The following ADK variants were observed in gnomAD, a reference collection of about 807,000 sequenced individuals.
ADK encodes the protein N6,N6-dimethyladenosine kinase.
Under a neutral mutation model 44.7 loss-of-function variants are expected in ADK, and 24 were observed. The observed-to-expected ratio is 0.54, with a 90% confidence interval of 0.39 to 0.76. ADK has a LOEUF of 0.76. Ranked by LOEUF, ADK falls within the 30% of genes least tolerant of loss-of-function variation. ADK has a pLI of 0.00. For missense variants in ADK, 321 were observed against 425.1 expected (o/e 0.76, Z 2.15); for synonymous variants, 128 against 142.6 (o/e 0.90, Z 0.73).
At chr10:74,607,955 G>A (rs1285675013) in intron 9 of ADK, among the ~76,000 whole-genome samples, 3 of 151,282 alleles carry the variant, frequency 2.0e-5, no homozygotes, top group Admixed American at 6.6e-5. Context: ...CTCTAATCTT[G>A]TCATGATGCT....
At chr10:74,331,676 G>T (rs1841223539) in intron 4 of ADK, among the ~76,000 whole-genome samples, 2 of 151,928 alleles carry the variant, frequency 1.3e-5, no homozygotes, top group South Asian at 4.2e-4. Context: ...AATAGAGACG[G>T]GATTTCATCA....
rs946744501 is a variant in ADK, at chr10:74,307,281, A to G, written c.195-7386A>G. Among the ~76,000 whole-genome samples, 9 of 152,326 alleles carry G rather than the reference A, an allele frequency of 5.9e-5. No homozygotes were observed. In the South Asian group the frequency reaches 1.9e-3, roughly 32 times the overall value. The stretch of plus-strand genomic sequence containing the variant: ...TTTTGGTTAACCTCTTTAACTTAGC[A>G]TTCAGTTTCAGAATTCAGCAAATGT... On this transcript the variant is annotated intron_variant, in intron 3 of 10. Coordinates refer to ENST00000539909, the MANE Select transcript of ADK (RefSeq NM_006721.4).
At chr10:74,347,517 G>A (rs1279648549) in intron 4 of ADK, among the ~76,000 whole-genome samples, 1 of 152,124 alleles carries the variant, frequency 6.6e-6, no homozygotes, top group Non-Finnish European at 1.5e-5. Context: ...TTAGCTAGTT[G>A]CAGGAGTTTT....
At chr10:74,201,667 T>C (rs891586972) in intron 2 of ADK, among the ~76,000 whole-genome samples, 11 of 122,716 alleles carry the variant, frequency 9.0e-5, no homozygotes, top group African/African-American at 3.5e-4. Flanking sequence ...TATGTATGTA[T>C]GTATGTATGT....
intron 3 of ADK, among the ~76,000 whole-genome samples, chr10:74,270,739 A>G (rs763100957): frequency 6.6e-6 from 1 of 152,242 alleles, no homozygotes; most frequent in Non-Finnish European, 1.5e-5. Context: ...TTAGATGTCT[A>G]TTGATCTTTT....
At chr10:74,349,426 GA>G (rs1009467693) in intron 4 of ADK, among the ~76,000 whole-genome samples, 2 of 152,154 alleles carry the variant, frequency 1.3e-5, no homozygotes, top group Non-Finnish European at 2.9e-5. Flanking sequence ...ACTAAATGTG[GA>G]AAGGAAAAAG....
chr10:74,359,538 C>G lies in ADK; in HGVS notation c.274-34603C>G, dbSNP rs10762602. ...GCCTAGGCAACATGGCGTGACCGTC[C>G]CTACAAAAAAATATTTTTTTAATTA... On this transcript the variant is annotated intron_variant, in intron 4 of 10. Coordinates refer to ENST00000539909, the MANE Select transcript of ADK (RefSeq NM_006721.4). Among the ~76,000 whole-genome samples the G allele has an allele frequency of 1.3e-5, 2 of 151,842 alleles. 1 individual carries two copies. The highest frequency in any genetic ancestry group is 4.2e-4 in the South Asian group (2 of 4,800).
chr10:74,458,876 A>T (rs1846055496), intron 6 of ADK, among the ~76,000 whole-genome samples: 2 of 152,224 alleles, frequency 1.3e-5, no homozygotes, highest in Admixed American at 1.3e-4. Flanking sequence ...TATGGAAAAT[A>T]AAAAGAAATA....
chr10:74,210,332 A>G (rs1195201082), intron 2 of ADK, among the ~76,000 whole-genome samples: 1 of 138,600 alleles, frequency 7.2e-6, no homozygotes, highest in African/African-American at 3.2e-5. Context: ...CATCTCAGGA[A>G]AAAAAAAAAA....
chr10:74,224,759 A>G (rs1844466452), intron 3 of ADK, among the ~76,000 whole-genome samples, 168 bp downstream of exon 3: 1 of 152,222 alleles, frequency 6.6e-6, no homozygotes, highest in Non-Finnish European at 1.5e-5. Flanking sequence ...TTTACACTAC[A>G]TAAAGTTTAC....
chr10:74,600,500 G>C lies in ADK; in HGVS notation c.877+7G>C. The C allele has an allele frequency of 6.3e-7, 1 of 1,578,866 alleles. No homozygotes were observed. Among genetic ancestry groups the C allele is most frequent in the South Asian group, 1.1e-5 (1 of 89,570 alleles). The stretch of plus-strand genomic sequence containing the variant: ...GACACTATAATGGCTACAGGTACAT[G>C]TGGGAAATGTGTGATGAATCTAGTA... On this transcript the variant is annotated splice_region_variant and intron_variant, in intron 9 of 10. Coordinates refer to ENST00000539909, the MANE Select transcript of ADK (RefSeq NM_006721.4).
intron 4 of ADK, among the ~76,000 whole-genome samples, chr10:74,388,174 C>T (rs141569930): frequency 0.011 from 1,627 of 152,176 alleles, 29 homozygotes; most frequent in African/African-American, 0.037. Flanking sequence ...CCCAAAGTGT[C>T]GGGATTACAG....
intron 3 of ADK, among the ~76,000 whole-genome samples, chr10:74,238,741 C>G (rs747903009): frequency 6.6e-6 from 1 of 151,848 alleles, no homozygotes; most frequent in East Asian, 1.9e-4. Context: ...TTCTAAGCAA[C>G]CCAGCAGGGC....
intron 3 of ADK, among the ~76,000 whole-genome samples, chr10:74,235,843 A>G (rs973863966): frequency 1.3e-5 from 2 of 152,216 alleles, no homozygotes; most frequent in African/African-American, 4.8e-5. Flanking sequence ...CTCTACCTTC[A>G]TGAGTGCATT....
At chr10:74,571,304 A>T (rs1192661039) in intron 7 of ADK, among the ~76,000 whole-genome samples, 1 of 152,216 alleles carries the variant, frequency 6.6e-6, no homozygotes, top group East Asian at 1.9e-4. Context: ...TGGCCTCATA[A>T]AATGAGTTAG....
Position 74,246,123 on chromosome 10 carries a change from G to C in ADK, c.194+21532G>C, listed in dbSNP as rs1048226183. ...GATTCAAGGGCCTCTTGTGGGAGGGGGGGGTCAGGGGTCCTTAAGACCTTG... is the reference window on the plus strand; with the variant it reads ...GATTCAAGGGCCTCTTGTGGGAGGGCGGGGTCAGGGGTCCTTAAGACCTTG... On this transcript the variant is annotated intron_variant, in intron 3 of 10. Coordinates refer to ENST00000539909, the MANE Select transcript of ADK (RefSeq NM_006721.4). Among the ~76,000 whole-genome samples, 4 of 152,030 alleles carry C rather than the reference G, an allele frequency of 2.6e-5. No homozygotes were observed. The East Asian group carries it at 5.8e-4, about 22-fold the overall frequency.
intron 6 of ADK, among the ~76,000 whole-genome samples, chr10:74,411,911 A>T (rs983130254): frequency 2.0e-5 from 3 of 152,248 alleles, no homozygotes; most frequent in African/African-American, 7.2e-5. Context: ...TAGCGTGTTC[A>T]CCAGGAGTAG....
intron 9 of ADK, among the ~76,000 whole-genome samples, chr10:74,657,093 G>A (rs1333543605): frequency 6.6e-6 from 1 of 151,902 alleles, no homozygotes; most frequent in Non-Finnish European, 1.5e-5. Flanking sequence ...GTAGAAACAG[G>A]GCCATGCTTT....
chr10:74,405,292 A>C (rs1843877496), intron 6 of ADK, among the ~76,000 whole-genome samples: 2 of 151,910 alleles, frequency 1.3e-5, no homozygotes, highest in African/African-American at 4.8e-5. Flanking sequence ...ACCAGGCCAC[A>C]CAGCAGGAGG....
Sources: gnomAD v4.1 joint callset for allele counts (sites outside exome capture counted in the v4.1 genomes callset) on GRCh38, gnomAD v4.1.1 for gene constraint, MANE v1.5 for transcripts, NCBI Gene and HGNC (gene_info 2026-07-23, HGNC 2026-07-21) for gene names.